PUM2: variants seen among roughly 807,000 people sequenced by gnomAD.
PUM2 encodes pumilio homolog 2.
PUM2 carries 57 observed loss-of-function variants against 124.5 expected under a neutral mutation model. The observed-to-expected ratio is 0.46, with a 90% confidence interval of 0.37 to 0.57. The LOEUF is 0.57. PUM2 is among the 20% of genes least tolerant of loss of function. The pLI is 0.00. For missense variants in PUM2, 1,065 were observed against 1,290.6 expected (o/e 0.83, Z 2.68); for synonymous variants, 460 against 446.1 (o/e 1.03, Z -0.39).
At position 20,253,804 on chromosome 2, in the gene PUM2, T is replaced by A; in HGVS notation, c.3063+18A>T. 6.3e-7 allele frequency: 1 copy of A among 1,581,680 alleles called. No individual in the cohort carries two copies. Among genetic ancestry groups the A allele is most frequent in the South Asian group, 1.1e-5 (1 of 88,146 alleles). On this transcript the variant is annotated intron_variant, in intron 20 of 20. Transcript: ENST00000361078. ...ACACAAAGACAAACAGTTATCTGAG[T>A]GTTACATGCTGTATTACCTTGTGCA...
chr2:20,272,420 A>T (rs886436117), intron 13 of PUM2, among the ~76,000 whole-genome samples: 11 of 152,174 alleles, frequency 7.2e-5, no homozygotes, highest in Admixed American at 5.9e-4. Flanking sequence ...ACTCCTGCCC[A>T]AGTCACTGAA....
intron 7 of PUM2, among the ~76,000 whole-genome samples, chr2:20,302,835 C>G (rs906780110): frequency 5.3e-5 from 8 of 152,180 alleles, no homozygotes; most frequent in African/African-American, 1.7e-4. Context: ...TGCAGAAACT[C>G]TCTAAGATAA....
intron 2 of PUM2, 64 bp from the exon 3 acceptor site, chr2:20,318,709 T>C (rs1311380825): frequency 5.1e-6 from 6 of 1,175,928 alleles, no homozygotes; most frequent in Non-Finnish European, 7.5e-6. Context: ...ATATAAGAAG[T>C]CTCAAACATA....
intron 1 of PUM2, among the ~76,000 whole-genome samples, chr2:20,327,762 G>C (rs185322513): frequency 1.2e-3 from 188 of 152,086 alleles, no homozygotes; most frequent in Non-Finnish European, 1.8e-3. Flanking sequence ...GTGGAAGTAG[G>C]GTCCTTAAAT....
intron 13 of PUM2, among the ~76,000 whole-genome samples, chr2:20,276,751 A>C (rs899049420): frequency 2.6e-5 from 4 of 152,192 alleles, no homozygotes; most frequent in African/African-American, 9.6e-5. Context: ...TGTTGTTAAC[A>C]ATGTTGCCAG....
At chr2:20,252,396 G>A (rs781173477) in intron 20 of PUM2, among the ~76,000 whole-genome samples, 13 of 152,182 alleles carry the variant, frequency 8.5e-5, no homozygotes, top group Non-Finnish European at 1.5e-4. Context: ...GTGCAACAGA[G>A]ACCCTGTCTT....
At chr2:20,304,923 A>G (rs970168253) in intron 7 of PUM2, among the ~76,000 whole-genome samples, 1 of 152,214 alleles carries the variant, frequency 6.6e-6, no homozygotes, top group Non-Finnish European at 1.5e-5. Flanking sequence ...TATATGGTAC[A>G]TATTATACAT....
intron 9 of PUM2, among the ~76,000 whole-genome samples, chr2:20,293,313 T>G (rs1674687531): frequency 1.3e-5 from 2 of 152,232 alleles, no homozygotes; most frequent in South Asian, 4.1e-4. Context: ...GACATTACAT[T>G]TGTCCAAACA....
At position 20,305,463 on chromosome 2, in the gene PUM2, GAAAAAAAAAAAA is replaced by G. The variant is rs67834545; in HGVS notation, c.883+2503_883+2514del. Among the ~76,000 whole-genome samples the G allele has an allele frequency of 1.2e-3, 57 of 46,158 alleles. 1 individual carries two copies. The highest frequency in any genetic ancestry group is 0.01 in the South Asian group (7 of 676). 30.3% of individuals were successfully genotyped at this position (46,158 alleles called of 152,430 possible). ...GGTGACAGAGTAAGACCCTGTCTTC[GAAAAAAAAAAAA>G]AAAAAAAAAAAAAGACGTATCTAAA... On this transcript the variant is annotated intron_variant, in intron 7 of 20. Coordinates refer to ENST00000361078, the MANE Select transcript of PUM2 (RefSeq NM_015317.5).
intron 1 of PUM2, among the ~76,000 whole-genome samples, chr2:20,344,068 T>TATTTC (rs1189567642): frequency 6.6e-6 from 1 of 152,118 alleles, no homozygotes; most frequent in Non-Finnish European, 1.5e-5. Flanking sequence ...TATTTTATTT[T>TATTTC]ACTTTATTTT....
At chr2:20,261,394 CAAAAAAAAAAA>C (rs200294801) in intron 14 of PUM2, among the ~76,000 whole-genome samples, 57 of 76,780 alleles carry the variant, frequency 7.4e-4, no homozygotes, top group Admixed American at 1.4e-3. Context: ...ACTCTGTCTC[CAAAAAAAAAAA>C]AAAAAAAAAA....
chr2:20,313,571 T>C (rs1288462478), intron 3 of PUM2, among the ~76,000 whole-genome samples: 1 of 152,142 alleles, frequency 6.6e-6, no homozygotes, highest in African/African-American at 2.4e-5. Context: ...CAGGGGCTCA[T>C]ACGTGCTATC....
At chr2:20,325,055 A>G (rs1558649342) in intron 2 of PUM2, among the ~76,000 whole-genome samples, 1 of 152,158 alleles carries the variant, frequency 6.6e-6, no homozygotes, top group Non-Finnish European at 1.5e-5. Context: ...CTCACCTGTC[A>G]GGAAAGGAGG....
At chr2:20,291,458 T>A (rs1469636791) in intron 9 of PUM2, among the ~76,000 whole-genome samples, 1 of 152,222 alleles carries the variant, frequency 6.6e-6, no homozygotes, top group Non-Finnish European at 1.5e-5. Context: ...TCCGACCGAC[T>A]GCATATTCCT....
chr2:20,309,214 G>T (rs114314702), intron 5 of PUM2, among the ~76,000 whole-genome samples: 1,543 of 152,106 alleles, frequency 0.01, 8 homozygotes, highest in Non-Finnish European at 0.014. Context: ...CATCTTTCAA[G>T]CTGCAGTCTT....
chr2:20,259,938 G>A (rs955318203), intron 15 of PUM2, among the ~76,000 whole-genome samples: 14 of 152,110 alleles, frequency 9.2e-5, no homozygotes, highest in Admixed American at 8.5e-4. Flanking sequence ...ATCCACATTT[G>A]TTATTTTCCG....
At chr2:20,326,788 T>C (rs1181166378) in intron 2 of PUM2, among the ~76,000 whole-genome samples, 6 of 152,080 alleles carry the variant, frequency 3.9e-5, no homozygotes, top group East Asian at 1.9e-4. Flanking sequence ...TAACCAGCAA[T>C]ATAATAAAAG....
chr2:20,304,002 C>CA (rs1345392545), intron 7 of PUM2, among the ~76,000 whole-genome samples: 1 of 152,088 alleles, frequency 6.6e-6, no homozygotes, highest in Admixed American at 6.6e-5. Flanking sequence ...TTTGTACTGT[C>CA]ATTTTTGTTT....
intron 1 of PUM2, among the ~76,000 whole-genome samples, chr2:20,336,713 T>TGTGTC (rs1686136013): frequency 4.1e-5 from 3 of 73,994 alleles, no homozygotes; most frequent in Non-Finnish European, 8.8e-5. Context: ...GTGTGTGTGT[T>TGTGTC]ACAGACGGGG....
Sources: gnomAD v4.1 joint callset for allele counts (sites outside exome capture counted in the v4.1 genomes callset) on GRCh38, gnomAD v4.1.1 for gene constraint, MANE v1.5 for transcripts, NCBI Gene and HGNC (gene_info 2026-07-23, HGNC 2026-07-21) for gene names.